MACROD2: variants seen among roughly 807,000 people sequenced by gnomAD.
The protein encoded by MACROD2 is ADP-ribose glycohydrolase MACROD2.
A neutral mutation model predicts 70.4 loss-of-function variants in MACROD2; 36 were observed. The observed-to-expected ratio is 0.51, with a 90% CI of 0.39 to 0.68. The LOEUF (loss-of-function observed/expected upper bound fraction) is 0.68, where lower values mean the gene tolerates loss of function less well. Ranked by LOEUF, MACROD2 falls within the 30% of genes least tolerant of loss-of-function variation. The pLI, the probability that MACROD2 is intolerant of heterozygous loss-of-function variation, is 0.00. For missense variants in MACROD2, 496 were observed against 538.4 expected, an observed-to-expected ratio of 0.92 and a Z score of 0.78; for synonymous variants, 172 against 178.8, an observed-to-expected ratio of 0.96 and a Z score of 0.30.
chr20:14,858,280 G>C (rs893395449), intron 5 of MACROD2, among the ~76,000 whole-genome samples: 2 of 152,096 alleles, frequency 1.3e-5, no homozygotes, highest in Non-Finnish European at 2.9e-5. Flanking sequence ...TGGTTAACCC[G>C]ATGCAGGAGT....
At chr20:14,777,064 A>G (rs2072243455) in intron 5 of MACROD2, among the ~76,000 whole-genome samples, 1 of 151,950 alleles carries the variant, frequency 6.6e-6, no homozygotes. Flanking sequence ...CCATTTTCCT[A>G]TTGACGGGCA....
chr20:15,585,592 A>G (rs1195231035), intron 8 of MACROD2, among the ~76,000 whole-genome samples: 1 of 152,154 alleles, frequency 6.6e-6, no homozygotes, highest in Non-Finnish European at 1.5e-5. Context: ...GACTCTCTGA[A>G]TATGGCATAT....
At chr20:15,981,806 G>C (rs1441237477) in intron 13 of MACROD2, among the ~76,000 whole-genome samples, 1 of 152,064 alleles carries the variant, frequency 6.6e-6, no homozygotes, top group African/African-American at 2.4e-5. Context: ...GGTCTGAGGG[G>C]TTTGTGATGA....
intron 8 of MACROD2, among the ~76,000 whole-genome samples, chr20:15,592,862 T>C (rs2048696901): frequency 6.6e-6 from 1 of 152,168 alleles, no homozygotes. Context: ...TTCAAAGCTT[T>C]CTCTTCTTGT....
chr20:15,437,490 A>T (rs1297846772), intron 7 of MACROD2, among the ~76,000 whole-genome samples: 2 of 152,186 alleles, frequency 1.3e-5, no homozygotes, highest in African/African-American at 2.4e-5. Context: ...ATTTAAGCAG[A>T]CTGAAACATT....
intron 4 of MACROD2, among the ~76,000 whole-genome samples, chr20:14,629,719 C>T (rs561283250): frequency 6.6e-6 from 1 of 152,290 alleles, no homozygotes; most frequent in South Asian, 2.1e-4. Flanking sequence ...GGAAGGACTG[C>T]ACTACAAAGA....
intron 5 of MACROD2, among the ~76,000 whole-genome samples, chr20:15,060,968 G>A (rs781275238): frequency 6.6e-6 from 1 of 152,180 alleles, no homozygotes; most frequent in Non-Finnish European, 1.5e-5. Context: ...TTGTGTGGGG[G>A]TGTTGCTGGT....
At chr20:14,628,724 A>T (rs1414401611) in intron 4 of MACROD2, 1 of 152,188 alleles carries the variant, frequency 6.6e-6, no homozygotes, top group Non-Finnish European at 1.5e-5. Flanking sequence ...GAAGCCATGG[A>T]TGATCTCATT....
chr20:15,194,677 A>G (rs1349749171), intron 5 of MACROD2, among the ~76,000 whole-genome samples: 1 of 152,166 alleles, frequency 6.6e-6, no homozygotes. Context: ...CAATTATATT[A>G]CATAATGACA....
chr20:15,103,591 T>A (rs2075889402), intron 5 of MACROD2, among the ~76,000 whole-genome samples: 1 of 152,154 alleles, frequency 6.6e-6, no homozygotes. Flanking sequence ...CTATCTGCCT[T>A]AGGGATACAG....
At chr20:14,316,869 A>G (rs969247910) in intron 3 of MACROD2, among the ~76,000 whole-genome samples, 16 of 152,072 alleles carry the variant, frequency 1.1e-4, no homozygotes, top group African/African-American at 3.9e-4. Context: ...TTACAATTGA[A>G]ATCTGACAGT....
chr20:15,428,106 A>C (rs892147612), intron 6 of MACROD2, among the ~76,000 whole-genome samples: 12 of 152,196 alleles, frequency 7.9e-5, no homozygotes, highest in African/African-American at 2.9e-4. Context: ...AGTCATCACT[A>C]ATCAAGATAT....
At chr20:14,386,590 TTC>T (rs1242221681) in intron 3 of MACROD2, among the ~76,000 whole-genome samples, 1 of 150,630 alleles carries the variant, frequency 6.6e-6, no homozygotes, top group Non-Finnish European at 1.5e-5. Flanking sequence ...GGCACCTCTT[TTC>T]TCTCTCTTTC....
At chr20:15,248,439 A>C (rs572468257) in intron 6 of MACROD2, among the ~76,000 whole-genome samples, 17 of 152,202 alleles carry the variant, frequency 1.1e-4, no homozygotes, top group African/African-American at 3.4e-4. Context: ...CCTCTGGCTT[A>C]AACCCTCTGT....
chr20:15,979,760 T>C (rs1480456892), intron 13 of MACROD2, among the ~76,000 whole-genome samples: 2 of 152,038 alleles, frequency 1.3e-5, no homozygotes, highest in African/African-American at 2.4e-5. Context: ...CCAAGGGGTG[T>C]GGAAGAAAAA....
At chr20:15,088,105 T>C (rs954927776) in intron 5 of MACROD2, among the ~76,000 whole-genome samples, 1 of 151,764 alleles carries the variant, frequency 6.6e-6, no homozygotes, top group Admixed American at 6.6e-5. Flanking sequence ...AATCAGATAA[T>C]AGTAAAATAA....
At chr20:14,438,600 C>T (rs1473868750) in intron 3 of MACROD2, among the ~76,000 whole-genome samples, 1 of 152,144 alleles carries the variant, frequency 6.6e-6, no homozygotes, top group Non-Finnish European at 1.5e-5. Flanking sequence ...TGATAACAGT[C>T]ATCCTAACAG....
chr20:15,220,213 C>T (rs1381347460), intron 5 of MACROD2, among the ~76,000 whole-genome samples: 2 of 152,176 alleles, frequency 1.3e-5, no homozygotes, highest in Non-Finnish European at 2.9e-5. Flanking sequence ...ATTGCTTGCC[C>T]AGTCTAGATT....
intron 4 of MACROD2, among the ~76,000 whole-genome samples, chr20:14,595,635 AT>A (rs1982076650): frequency 6.6e-6 from 1 of 152,206 alleles, no homozygotes; most frequent in Non-Finnish European, 1.5e-5. Context: ...ACAGCTTTGC[AT>A]GTATGTCGAG....
Sources: gnomAD v4.1 joint callset for allele counts (sites outside exome capture counted in the v4.1 genomes callset) on GRCh38, gnomAD v4.1.1 for gene constraint, MANE v1.5 for transcripts, NCBI Gene and HGNC (gene_info 2026-07-23, HGNC 2026-07-21) for gene names.